Variants in TMC2 observed in about 807,000 individuals in gnomAD.
The protein encoded by TMC2 is transmembrane channel like 2.
In TMC2, 102 loss-of-function variants were observed where a neutral mutation model predicts 105.9. The observed-to-expected ratio is 0.96, with a 90% CI of 0.82 to 1.14. The LOEUF (loss-of-function observed/expected upper bound fraction) is 1.14, where lower values mean the gene tolerates loss of function less well. Among genes scored for constraint, TMC2 ranks in the 50% most tolerant of loss-of-function variants. The pLI is 0.00. For missense variants in TMC2, 1,093 were observed against 1,134.3 expected, an observed-to-expected ratio of 0.96 and a Z score of 0.52; for synonymous variants, 402 against 422.8, an observed-to-expected ratio of 0.95 and a Z score of 0.60.
rs965322646 is a variant in TMC2, at chr20:2,635,785, G to C, written c.2307-141G>C. 4 of 673,804 alleles carry C rather than the reference G, an allele frequency of 5.9e-6. No individual in the cohort carries two copies. In the African/African-American group the frequency reaches 7.2e-5, roughly 12 times the overall value. 41.7% of individuals were successfully genotyped at this position (673,804 alleles called of 1,614,324 possible). ...GGGCATCCAGGACCTTCTCCACATT[G>C]AGAAAAGAAGATGGTAGGACACCCA... On this transcript the variant is annotated intron_variant, in intron 17 of 19. Transcript: ENST00000358864.
intron 7 of TMC2, among the ~76,000 whole-genome samples, chr20:2,581,386 G>T (rs2086188482): frequency 6.6e-6 from 1 of 152,084 alleles, no homozygotes. Flanking sequence ...AGAAATCAAG[G>T]GTTCTGAGTC....
chr20:2,634,825 C>T (rs2086629860), intron 17 of TMC2, among the ~76,000 whole-genome samples: 1 of 152,200 alleles, frequency 6.6e-6, no homozygotes, highest in Non-Finnish European at 1.5e-5. Flanking sequence ...ATTCTCTCCT[C>T]CCCTCACCTA....
intron 16 of TMC2, among the ~76,000 whole-genome samples, chr20:2,618,968 G>A (rs930045330): frequency 3.3e-5 from 5 of 152,042 alleles, no homozygotes; most frequent in African/African-American, 4.8e-5. Flanking sequence ...GGTGAGTGAC[G>A]CCCTACACTG....
chr20:2,539,165 G>A (rs2085871922), intron 2 of TMC2, among the ~76,000 whole-genome samples: 1 of 152,202 alleles, frequency 6.6e-6, no homozygotes, highest in Non-Finnish European at 1.5e-5. Context: ...AGGAGAGCGT[G>A]TGCTGGGCTT....
chr20:2,558,917 G>A lies in TMC2; in HGVS notation c.401+143G>A, dbSNP rs895293185. 1 of 825,710 alleles carries A rather than the reference G, an allele frequency of 1.2e-6. No individual in the cohort carries two copies. Among genetic ancestry groups the A allele is most frequent in the Non-Finnish European group, 1.8e-6 (1 of 542,776 alleles). 51.1% of individuals were successfully genotyped at this position (825,710 alleles called of 1,614,324 possible). A position where few individuals can be genotyped will look rare whatever the true frequency, so the allele number is the denominator to read the frequency against. On this transcript the variant is annotated intron_variant, in intron 3 of 19. Transcript: ENST00000358864. This position sits in a 1 kb window ranked among gnomAD's most constrained non-coding sequence, Gnocchi z 4.6. ...CTCGCTCTGGCTTCCGTGCCTCCCA[G>A]CCCTTACCACTGCCCCACTCTGCGG...
At chr20:2,577,241 A>G (rs1568511367) in intron 5 of TMC2, among the ~76,000 whole-genome samples, 1 of 151,870 alleles carries the variant, frequency 6.6e-6, no homozygotes, top group Non-Finnish European at 1.5e-5. Flanking sequence ...GGGTTTCACT[A>G]TGTTAGCCAG....
At position 2,636,044 on chromosome 20, in the gene TMC2, G is replaced by T. The variant is rs762814752; in HGVS notation, c.2385+40G>T. The stretch of plus-strand genomic sequence containing the variant: ...AGTTTCATCCTGGACGGTAAAAAGA[G>T]ATCATGTTTTTGGTTTTTGCTAATT... On this transcript the variant is annotated intron_variant, in intron 18 of 19. Coordinates refer to ENST00000358864, the MANE Select transcript of TMC2 (RefSeq NM_080751.3). 3.8e-6 allele frequency: 6 copies of T among 1,579,096 alleles called. No individual in the cohort carries two copies. In the South Asian group the frequency reaches 6.6e-5, roughly 17 times the overall value.
Position 2,558,736 on chromosome 20 carries a change from G to A in TMC2, c.363G>A (p.Pro121=), listed in dbSNP as rs2086002680. The A allele has an allele frequency of 1.3e-6, 2 of 1,577,272 alleles. No individual in the cohort carries two copies. Among genetic ancestry groups the A allele is most frequent in the African/African-American group, 1.4e-5 (1 of 73,518 alleles). The change falls in exon 3 of 20, where the codon CCG becomes CCA. Residue 121 remains proline (P), a synonymous_variant. Transcript: ENST00000358864. The surrounding 1 kb of genome is among the most constrained non-coding windows in gnomAD (Gnocchi z 4.6). ...TAAPKREKEI[P]RREEKSKRQK... ...CCCCAAAGAGGGAAAAGGAGATTCC[G>A]AGGAGGGAGGAGAAGTCGAAGCGGC...
intron 17 of TMC2, among the ~76,000 whole-genome samples, chr20:2,625,993 C>A (rs1439701640): frequency 6.6e-6 from 1 of 151,948 alleles, no homozygotes; most frequent in Admixed American, 6.6e-5. Context: ...ATTTGTTTTC[C>A]TCTTGTTTAT....
chr20:2,545,732 A>AGAAGAT lies in TMC2; in HGVS notation c.82+8427_82+8432dup, dbSNP rs537266947. Among the ~76,000 whole-genome samples the AGAAGAT allele has an allele frequency of 2.5e-3, 381 of 151,812 alleles. 1 individual carries two copies. The highest frequency in any genetic ancestry group is 8.5e-3 in the African/African-American group (351 of 41,408). On this transcript the variant is annotated intron_variant, in intron 2 of 19. Coordinates refer to ENST00000358864, the MANE Select transcript of TMC2 (RefSeq NM_080751.3). Reference sequence around the variant, plus strand: ...AGAAGGAAGAAGAAGATGAGGAAGAAGAAGATGAAGATGAAGGAAGAAGAA... The same window carrying AGAAGAT: ...AGAAGGAAGAAGAAGATGAGGAAGAAGAAGATGAAGATGAAGATGAAGGAAGAAGAA...
At chr20:2,619,273 T>C (rs2086507719) in intron 16 of TMC2, among the ~76,000 whole-genome samples, 1 of 152,202 alleles carries the variant, frequency 6.6e-6, no homozygotes, top group South Asian at 2.1e-4. Context: ...GGCCCAGGGC[T>C]TCTATCTTGG....
At chr20:2,561,780 CCCT>C in intron 3 of TMC2, 75 bp from the exon 4 acceptor site, 1 of 1,505,196 alleles carries the variant, frequency 6.6e-7, no homozygotes, top group Non-Finnish European at 9.0e-7. Context: ...TTCCATGGGC[CCCT>C]CCTCATTCCA....
In TMC2 at chr20:2,617,080, CCTT is replaced by C; in HGVS notation, c.1952_1954del (p.Phe651del). ...GGTTTCTGCCATTCCAGGATGGGCTCCTTCTATGCTCCAGGCCTGGTGGGCATT... is the reference window on the plus strand; with the variant it reads ...GGTTTCTGCCATTCCAGGATGGGCTCCTATGCTCCAGGCCTGGTGGGCATT... On this transcript the variant is annotated inframe_deletion, in exon 16 of 20. Coordinates refer to ENST00000358864, the MANE Select transcript of TMC2 (RefSeq NM_080751.3). The C allele has an allele frequency of 6.2e-7, 1 of 1,614,222 alleles. No homozygotes were observed. The highest frequency in any genetic ancestry group is 8.5e-7 in the Non-Finnish European group (1 of 1,180,036).
chr20:2,606,036 T>TA (rs1180815541), intron 11 of TMC2, among the ~76,000 whole-genome samples: 1 of 152,166 alleles, frequency 6.6e-6, no homozygotes, highest in African/African-American at 2.4e-5. Flanking sequence ...CATGTACATA[T>TA]CTAGGCCTCA....
chr20:2,606,463 T>C (rs775629710), intron 11 of TMC2, among the ~76,000 whole-genome samples: 1 of 152,222 alleles, frequency 6.6e-6, no homozygotes, highest in Non-Finnish European at 1.5e-5. Flanking sequence ...TTTCACCCTG[T>C]TGGCCAGGCT....
chr20:2,545,889 AATG>A lies in TMC2; in HGVS notation c.82+8575_82+8577del, dbSNP rs1162890322. Among the ~76,000 whole-genome samples, 166 of 124,810 alleles carry A rather than the reference AATG, an allele frequency of 1.3e-3. 1 individual carries two copies. The highest frequency in any genetic ancestry group is 3.9e-3 in the African/African-American group (127 of 32,516). 81.9% of individuals were successfully genotyped at this position (124,810 alleles called of 152,430 possible). A position where few individuals can be genotyped will look rare whatever the true frequency, so the allele number is the denominator to read the frequency against. On this transcript the variant is annotated intron_variant, in intron 2 of 19. Coordinates refer to ENST00000358864, the MANE Select transcript of TMC2 (RefSeq NM_080751.3). ...AAAAAGAAAGAAAGAAAAAGAAAGAAATGAAAGAAAGAAAGAAAAAAAGAAAGA... is the reference window on the plus strand; with the variant it reads ...AAAAAGAAAGAAAGAAAAAGAAAGAAAAAGAAAGAAAGAAAAAAAGAAAGA...
intron 7 of TMC2, among the ~76,000 whole-genome samples, chr20:2,586,906 T>A (rs1045372723): frequency 2.9e-4 from 44 of 152,226 alleles, no homozygotes; most frequent in Non-Finnish European, 1.5e-5. Context: ...ATTTTCTAAT[T>A]TCCTTGTAAT....
chr20:2,617,007 C>T, intron 15 of TMC2, 65 bp from the exon 16 acceptor site: 2 of 1,601,256 alleles, frequency 1.2e-6, no homozygotes, highest in African/African-American at 2.7e-5. Context: ...CCATTTCCTT[C>T]TATCACCCTT....
At chr20:2,560,209 C>T (rs2086015732) in intron 3 of TMC2, among the ~76,000 whole-genome samples, 2 of 151,696 alleles carry the variant, frequency 1.3e-5, no homozygotes, top group Admixed American at 6.6e-5. Flanking sequence ...ACTGTGGGAA[C>T]ACCCTACGCA....
Sources: gnomAD v4.1 joint callset for allele counts (sites outside exome capture counted in the v4.1 genomes callset) on GRCh38, gnomAD v4.1.1 for gene constraint, Gnocchi (gnomAD v3.1) non-coding constraint, MANE v1.5 for transcripts, NCBI Gene and HGNC (gene_info 2026-07-23, HGNC 2026-07-21) for gene names.